The following C9 variants were observed in gnomAD, a reference collection of about 807,000 sequenced individuals.
C9 encodes complement component C9.
Under a neutral mutation model 65.4 loss-of-function variants are expected in C9, and 63 were observed. The observed-to-expected ratio is 0.96, with a 90% CI of 0.79 to 1.19. The LOEUF (loss-of-function observed/expected upper bound fraction) is 1.19. C9 is among the 50% of genes most tolerant of loss of function. The probability of loss-of-function intolerance (pLI) is 0.00; values close to 1 mark genes in which losing one functional copy is unlikely to be tolerated. For missense variants in C9, 744 were observed against 670.1 expected, an observed-to-expected ratio of 1.11 and a Z score of -1.22; for synonymous variants, 229 against 227.9, an observed-to-expected ratio of 1.00 and a Z score of -0.04.
intron 9 of C9, among the ~76,000 whole-genome samples, chr5:39,289,352 T>C (rs1296581421): frequency 6.6e-6 from 1 of 151,830 alleles, no homozygotes; most frequent in Admixed American, 6.6e-5. Context: ...GGTAACCAGA[T>C]GCTTGCTATC....
Position 39,331,782 on chromosome 5 carries a change from G to A in C9, c.509C>T (p.Thr170Ile), listed in dbSNP as rs1254644083. 2 of 1,613,230 alleles carry A rather than the reference G, an allele frequency of 1.2e-6. No homozygotes were observed. The highest frequency in any genetic ancestry group is 1.7e-6 in the Non-Finnish European group (2 of 1,179,192). ...ATTGTAGAACTCATTGTCAAAAGGT[G>A]TGCTTAGGGGATCCATCCCTAAAAT... ...INILGMDPLS[T>I]PFDNEFYNGL... Residue 170 changes from threonine (T) to isoleucine (I), a missense_variant, in exon 5 of 11, where the codon ACA becomes ATA. By Grantham distance (89) the Thr-to-Ile change is moderately conservative. Coordinates refer to ENST00000263408, the MANE Select transcript of C9 (RefSeq NM_001737.5).
In C9 at chr5:39,327,856, G is replaced by A. The variant is rs980319660; in HGVS notation, c.615+3820C>T. ...TACTATTTAAGGATTCTCCAAAAGG[G>A]AGCTCAAAATAAGCTTGAGATAGAC... On this transcript the variant is annotated intron_variant, in intron 5 of 10. Transcript: ENST00000263408. Among the ~76,000 whole-genome samples, 8 of 152,270 alleles carry A rather than the reference G, an allele frequency of 5.3e-5. No individual in the cohort carries two copies. The South Asian group carries it at 1.5e-3, about 28-fold the overall frequency.
chr5:39,334,614 G>C lies in C9; in HGVS notation c.477-2800C>G, dbSNP rs1286880081. On this transcript the variant is annotated intron_variant, in intron 4 of 10. Transcript: ENST00000263408. ...GCCAGCTGCCCCGTCTGGGAGGTGAGGGGCGCCTCTGCCTGGCCACCCCTA... is the reference window on the plus strand; with the variant it reads ...GCCAGCTGCCCCGTCTGGGAGGTGACGGGCGCCTCTGCCTGGCCACCCCTA... Among the ~76,000 whole-genome samples the C allele has an allele frequency of 8.6e-5, 13 of 151,072 alleles. 2 individuals carry two copies. The highest frequency in any genetic ancestry group is 2.7e-4 in the African/African-American group (11 of 40,628).
At chr5:39,318,277 G>A (rs1753607084) in intron 5 of C9, among the ~76,000 whole-genome samples, 1 of 152,008 alleles carries the variant, frequency 6.6e-6, no homozygotes, top group Non-Finnish European at 1.5e-5. Flanking sequence ...TCTAAATATA[G>A]GATCATGTCA....
At chr5:39,323,631 A>T (rs567034877) in intron 5 of C9, among the ~76,000 whole-genome samples, 1 of 151,952 alleles carries the variant, frequency 6.6e-6, no homozygotes, top group African/African-American at 2.4e-5. Flanking sequence ...TTTAAAGATT[A>T]GAAAAACTCT....
At chr5:39,346,513 A>G (rs1452269619) in intron 1 of C9, among the ~76,000 whole-genome samples, 1 of 152,232 alleles carries the variant, frequency 6.6e-6, no homozygotes, top group African/African-American at 2.4e-5. Context: ...AGGCTCTGAA[A>G]TTGAGACAAT....
chr5:39,306,082 G>C (rs1216587372), intron 9 of C9, among the ~76,000 whole-genome samples: 1 of 148,242 alleles, frequency 6.7e-6, no homozygotes, highest in Non-Finnish European at 1.5e-5. Context: ...AGAATCACTT[G>C]AACTCGGAAG....
chr5:39,353,310 A>C (rs897190559), intron 1 of C9, among the ~76,000 whole-genome samples: 3 of 152,244 alleles, frequency 2.0e-5, no homozygotes, highest in Non-Finnish European at 4.4e-5. Context: ...GTTTTAAGCC[A>C]CTAAGTTTGT....
At position 39,349,002 on chromosome 5, in the gene C9, C is replaced by T. The variant is rs1489055790; in HGVS notation, c.78-6806G>A. On this transcript the variant is annotated intron_variant, in intron 1 of 10. Transcript: ENST00000263408. ...CACTTGGACACAGGGTGGGGAACAT[C>T]ACACACTGGGGCATGTTGTGGGGTG... Among the ~76,000 whole-genome samples the T allele has an allele frequency of 3.2e-5, 4 of 125,838 alleles. 1 individual carries two copies. The highest frequency in any genetic ancestry group is 6.2e-5 in the African/African-American group (2 of 32,112). 82.6% of individuals were successfully genotyped at this position (125,838 alleles called of 152,430 possible). A position where few individuals can be genotyped will look rare whatever the true frequency, so the allele number is the denominator to read the frequency against.
intron 9 of C9, among the ~76,000 whole-genome samples, chr5:39,289,371 A>C (rs985085493): frequency 6.6e-6 from 1 of 151,646 alleles, no homozygotes; most frequent in African/African-American, 2.4e-5. Flanking sequence ...TCTCTTGCCT[A>C]AGAGGAGGTT....
chr5:39,315,493 AT>A (rs1172411739), intron 6 of C9, among the ~76,000 whole-genome samples: 3 of 152,190 alleles, frequency 2.0e-5, no homozygotes, highest in African/African-American at 4.8e-5. Flanking sequence ...TGATGATCAT[AT>A]AAATTGAATG....
At chr5:39,349,038 G>A (rs1754268549) in intron 1 of C9, among the ~76,000 whole-genome samples, 1 of 141,440 alleles carries the variant, frequency 7.1e-6, no homozygotes, top group East Asian at 2.4e-4. Flanking sequence ...GGGGGGAGGG[G>A]GGAAGGAACG....
intron 9 of C9, among the ~76,000 whole-genome samples, chr5:39,296,003 C>T (rs79998213): frequency 0.017 from 2,627 of 151,662 alleles, 74 homozygotes; most frequent in African/African-American, 0.061. Context: ...AAAATTAACC[C>T]CCCACTTTTT....
Position 39,295,762 on chromosome 5 carries a change from C to T in C9, c.1417-6811G>A, listed in dbSNP as rs1162879665. Among the ~76,000 whole-genome samples the T allele has an allele frequency of 2.6e-5, 4 of 151,542 alleles. No individual in the cohort carries two copies. The East Asian group carries it at 5.8e-4, about 22-fold the overall frequency. On this transcript the variant is annotated intron_variant, in intron 9 of 10. Coordinates refer to ENST00000263408, the MANE Select transcript of C9 (RefSeq NM_001737.5). ...ACAACAAAAACAAAGCTAGGAGTAT[C>T]GCATTATCGGATCTCGAAATATATT...
At chr5:39,287,490 A>G (rs1753012007) in intron 10 of C9, among the ~76,000 whole-genome samples, 1 of 152,158 alleles carries the variant, frequency 6.6e-6, no homozygotes, top group East Asian at 1.9e-4. Context: ...CTGCACACAT[A>G]TGTTTACTGC....
intron 4 of C9, among the ~76,000 whole-genome samples, chr5:39,334,994 GA>G (rs57954565): frequency 3.4e-4 from 50 of 145,078 alleles, no homozygotes; most frequent in Middle Eastern, 3.7e-3. Flanking sequence ...TCTGCCTTGG[GA>G]AAAAAAAAAA....
At chr5:39,335,354 G>C (rs1753943472) in intron 4 of C9, among the ~76,000 whole-genome samples, 1 of 152,160 alleles carries the variant, frequency 6.6e-6, no homozygotes, top group African/African-American at 2.4e-5. Context: ...AAATTAAGGA[G>C]TAGAACATAA....
intron 5 of C9, among the ~76,000 whole-genome samples, chr5:39,326,055 T>TC (rs1474112428): frequency 5.3e-5 from 8 of 152,322 alleles, no homozygotes; most frequent in African/African-American, 1.9e-4. Flanking sequence ...GGGTTTTTTT[T>TC]CTTTCCATTT....
intron 5 of C9, among the ~76,000 whole-genome samples, chr5:39,322,802 A>G (rs1292352169): frequency 2.0e-5 from 3 of 152,122 alleles, no homozygotes; most frequent in Non-Finnish European, 2.9e-5. Context: ...ATTACAGTAT[A>G]ACAACTATAT....
Sources: allele counts gnomAD v4.1 joint callset (sites outside exome capture counted in the v4.1 genomes callset), GRCh38; gene constraint gnomAD v4.1.1; transcripts MANE v1.5; gene names NCBI Gene and HGNC (gene_info 2026-07-23, HGNC 2026-07-21).